The following DNAH7 variants were observed in gnomAD, a reference collection of about 807,000 sequenced individuals.
DNAH7 encodes the protein dynein axonemal heavy chain 7.
DNAH7 carries 397 observed loss-of-function variants against 444.6 expected under a neutral mutation model. The ratio of observed to expected loss-of-function variants is 0.89; its 90% confidence interval spans 0.82 to 0.97. The LOEUF is 0.97. Ranked by LOEUF, DNAH7 falls within the 50% of genes least tolerant of loss-of-function variation. DNAH7 has a pLI of 0.00. For synonymous variants in DNAH7, 1,636 were observed against 1,624.4 expected, an observed-to-expected ratio of 1.01 and a Z score of -0.17; for missense variants, 4,902 against 4,800.8, an observed-to-expected ratio of 1.02 and a Z score of -0.62.
At chr2:195,939,923 A>T (rs772216973) in intron 19 of DNAH7, among the ~76,000 whole-genome samples, 1 of 152,186 alleles carries the variant, frequency 6.6e-6, no homozygotes, top group Non-Finnish European at 1.5e-5. Flanking sequence ...GGAAGGATCA[A>T]TATCATGAAA....
At chr2:195,928,476 T>G (rs1688483461) in intron 21 of DNAH7, among the ~76,000 whole-genome samples, 1 of 152,116 alleles carries the variant, frequency 6.6e-6, no homozygotes, top group South Asian at 2.1e-4. Context: ...GTGGCCAAAG[T>G]GGAATATATT....
chr2:195,798,612 C>T (rs1370113821), intron 55 of DNAH7, among the ~76,000 whole-genome samples: 4 of 140,506 alleles, frequency 2.8e-5, no homozygotes, highest in Non-Finnish European at 3.0e-5. Flanking sequence ...GGCGTGATCT[C>T]GGCTCACTGC....
At chr2:195,998,603 CT>C (rs1489300013) in intron 12 of DNAH7, among the ~76,000 whole-genome samples, 1 of 151,702 alleles carries the variant, frequency 6.6e-6, no homozygotes, top group Non-Finnish European at 1.5e-5. Context: ...TTCACTTGAC[CT>C]TTGTCTACTA....
intron 58 of DNAH7, among the ~76,000 whole-genome samples, chr2:195,786,569 AT>A (rs11397952): frequency 0.017 from 2,406 of 144,972 alleles, 35 homozygotes; most frequent in Admixed American, 0.051. Context: ...GCTTAAATAG[AT>A]TTTTTTTTTT....
At chr2:195,897,581 C>T (rs1286010499) in intron 29 of DNAH7, 86 bp downstream of exon 29, 2 of 715,630 alleles carry the variant, frequency 2.8e-6, no homozygotes, top group Non-Finnish European at 4.7e-6. Flanking sequence ...TCATTGTTTT[C>T]CATAGTGGGA....
At chr2:195,898,328 C>T (rs1192883397) in intron 28 of DNAH7, among the ~76,000 whole-genome samples, 1 of 152,152 alleles carries the variant, frequency 6.6e-6, no homozygotes, top group South Asian at 2.1e-4. Flanking sequence ...GAGGCCAGTG[C>T]TCTTCAAAGA....
At chr2:196,029,959 A>G (rs1483714400) in intron 5 of DNAH7, among the ~76,000 whole-genome samples, 3 of 152,228 alleles carry the variant, frequency 2.0e-5, no homozygotes, top group African/African-American at 7.2e-5. Context: ...ATGGTAGTGA[A>G]ATAATTTTAA....
chr2:195,992,611 G>T (rs1693420418), intron 12 of DNAH7, among the ~76,000 whole-genome samples: 2 of 152,184 alleles, frequency 1.3e-5, no homozygotes, highest in South Asian at 2.1e-4. Flanking sequence ...CAGGCACATA[G>T]CATTTCAATT....
chr2:195,781,942 T>C (rs2105962937), intron 58 of DNAH7, among the ~76,000 whole-genome samples: 1 of 141,172 alleles, frequency 7.1e-6, no homozygotes, highest in South Asian at 2.3e-4. Flanking sequence ...GGGGATCAGT[T>C]AGGGTCAGAA....
At chr2:195,849,115 A>T (rs551357996) in intron 46 of DNAH7, among the ~76,000 whole-genome samples, 7 of 152,134 alleles carry the variant, frequency 4.6e-5, no homozygotes, top group South Asian at 4.2e-4. Context: ...CATCTTTTTC[A>T]TATTTTATCC....
chr2:195,824,206 GTC>G, intron 49 of DNAH7, 47 bp downstream of exon 49: 1 of 1,516,986 alleles, frequency 6.6e-7, no homozygotes. Context: ...GGAATATATA[GTC>G]ACTAATTACA....
chr2:195,779,769 C>G (rs979024317), intron 58 of DNAH7, among the ~76,000 whole-genome samples: 8 of 151,976 alleles, frequency 5.3e-5, no homozygotes, highest in African/African-American at 1.9e-4. Flanking sequence ...CCATGCCCGG[C>G]TAATTTTTGT....
intron 54 of DNAH7, among the ~76,000 whole-genome samples, chr2:195,799,986 G>A (rs1441760827): frequency 6.6e-6 from 1 of 152,198 alleles, no homozygotes; most frequent in African/African-American, 2.4e-5. Context: ...CATTGTCTGA[G>A]AATTTTCTGG....
chr2:195,911,822 C>T (rs761745926), intron 24 of DNAH7, among the ~76,000 whole-genome samples: 7 of 152,092 alleles, frequency 4.6e-5, no homozygotes, highest in Non-Finnish European at 7.4e-5. Flanking sequence ...CTTGCAGAGC[C>T]TCCCTGGAAC....
intron 25 of DNAH7, among the ~76,000 whole-genome samples, chr2:195,908,458 T>C (rs941034398): frequency 2.0e-5 from 3 of 152,098 alleles, no homozygotes; most frequent in Non-Finnish European, 4.4e-5. Context: ...CCCTTCCATT[T>C]CTATCATTCT....
At chr2:196,041,985 G>A (rs996926315) in intron 5 of DNAH7, among the ~76,000 whole-genome samples, 7 of 151,860 alleles carry the variant, frequency 4.6e-5, no homozygotes, top group African/African-American at 1.7e-4. Flanking sequence ...TAATCACCAG[G>A]GAAATGCAAA....
chr2:195,755,108 A>ATC (rs1194444820), intron 62 of DNAH7, among the ~76,000 whole-genome samples: 1 of 152,248 alleles, frequency 6.6e-6, no homozygotes, highest in Non-Finnish European at 1.5e-5. Context: ...TACACAATAT[A>ATC]TCATGTTACA....
chr2:196,057,267 A>G (rs1697865859), intron 2 of DNAH7, among the ~76,000 whole-genome samples: 1 of 152,372 alleles, frequency 6.6e-6, no homozygotes, highest in African/African-American at 2.4e-5. Flanking sequence ...TCAGCCAACG[A>G]AAGCATTTTA....
chr2:195,952,533 G>A (rs1002665973), intron 19 of DNAH7, among the ~76,000 whole-genome samples: 2 of 152,106 alleles, frequency 1.3e-5, no homozygotes, highest in African/African-American at 4.8e-5. Context: ...TTCCAGCTTG[G>A]TTCCATTCTC....
Sources: allele counts gnomAD v4.1 joint callset (sites outside exome capture counted in the v4.1 genomes callset), GRCh38; gene constraint gnomAD v4.1.1; transcripts MANE v1.5; gene names NCBI Gene and HGNC (gene_info 2026-07-23, HGNC 2026-07-21).